The following FSIP2 variants were observed in gnomAD, a reference collection of about 807,000 sequenced individuals.
FSIP2 encodes the protein fibrous sheath-interacting protein 2.
A neutral mutation model predicts 510.5 loss-of-function variants in FSIP2; 367 were observed. The ratio of observed to expected loss-of-function variants is 0.72; its 90% CI spans 0.66 to 0.78. The LOEUF (loss-of-function observed/expected upper bound fraction) is 0.78. FSIP2 is among the 30% of genes least tolerant of loss of function. FSIP2 has a pLI of 0.00. For synonymous variants in FSIP2, 2,601 were observed against 2,732.2 expected (o/e 0.95, Z 1.50); for missense variants, 7,594 against 7,901.7 (o/e 0.96, Z 1.48).
intron 21 of FSIP2, among the ~76,000 whole-genome samples, chr2:185,830,736 T>C (rs868600783): frequency 2.6e-5 from 4 of 151,888 alleles, no homozygotes; most frequent in Admixed American, 6.6e-5. Flanking sequence ...GTTAAACTTA[T>C]GGATACACAA....
Position 185,805,580 on chromosome 2 carries a change from A to T in FSIP2, c.16274A>T (p.Asn5425Ile). 1 of 1,609,360 alleles carries T rather than the reference A, an allele frequency of 6.2e-7. No individual in the cohort carries two copies. The highest frequency in any genetic ancestry group is 2.2e-5 in the East Asian group (1 of 44,778). The change falls in exon 17 of 23, where the codon AAC (asparagine) becomes ATC (isoleucine). Residue 5425 changes from asparagine to isoleucine, a missense_variant. Asn to Ile is a moderately radical substitution (Grantham distance 149). Transcript: ENST00000424728. ...CAAAGGGTTCAACACCTACCACAAA[A>T]CACCTTTACACAAATAAGCAGATGT... is the stretch of plus-strand genomic sequence containing the variant. Reference protein sequence around the residue: ...ITQRVQHLPQNTFTQISRCAK... With the variant: ...ITQRVQHLPQITFTQISRCAK...
chr2:185,804,283 GT>G lies in FSIP2; in HGVS notation c.14979del (p.Leu4994TrpfsTer9). On this transcript the variant is annotated frameshift_variant, in exon 17 of 23. Transcript: ENST00000424728. LOFTEE classifies it high-confidence loss of function. ...RIVTTLVNSIVLEFTTSEILV... is the reference protein window; with the variant it reads ...RIVTTLVNSIXLEFTTSEILV... ...TGTTACAACATTGGTAAATTCAATT[GT>G]TCTGGAGTTCACCACATCAGAGATT... The G allele has an allele frequency of 6.5e-7, 1 of 1,526,878 alleles. No individual in the cohort carries two copies. 94.6% of individuals were successfully genotyped at this position (1,526,878 alleles called of 1,614,324 possible). A position where few individuals can be genotyped will look rare whatever the true frequency, so the allele number is the denominator to read the frequency against.
Position 185,804,412 on chromosome 2 carries a change from T to C in FSIP2, c.15106T>C (p.Tyr5036His), listed in dbSNP as rs1693512142. The C allele has an allele frequency of 1.3e-6, 2 of 1,508,080 alleles. No homozygotes were observed. The highest frequency in any genetic ancestry group is 2.8e-5 in the African/African-American group (2 of 71,798). 93.4% of individuals were successfully genotyped at this position (1,508,080 alleles called of 1,614,324 possible). A position where few individuals can be genotyped will look rare whatever the true frequency, so the allele number is the denominator to read the frequency against. Reference sequence around the variant, plus strand: ...AGTATATGGAAAAGTATTAGATCAATATAAATCTCTGATTCAAATACATAG... The same window carrying C: ...AGTATATGGAAAAGTATTAGATCAACATAAATCTCTGATTCAAATACATAG... Reference protein sequence around the residue: ...NSVYGKVLDQYKSLIQIHRVI... With the variant: ...NSVYGKVLDQHKSLIQIHRVI... The change falls in exon 17 of 23, where the codon TAT (tyrosine) becomes CAT (histidine). Residue 5036 changes from tyrosine (Y) to histidine (H), a missense_variant. By Grantham distance (83) the Tyr-to-His change is moderately conservative. Transcript: ENST00000424728.
chr2:185,738,221 GC>G (rs981850733), upstream of FSIP2: 3 of 249,460 alleles, frequency 1.2e-5, no homozygotes, highest in African/African-American at 7.0e-5. Flanking sequence ...TCAATGACTG[GC>G]CCAGAAGCGT....
intron 17 of FSIP2, among the ~76,000 whole-genome samples, 165 bp from the exon 18 acceptor site, chr2:185,813,380 G>A (rs763733806): frequency 6.6e-6 from 1 of 151,768 alleles, no homozygotes; most frequent in Non-Finnish European, 1.5e-5. Flanking sequence ...TTTGTTATTT[G>A]TCTTTATTTC....
Position 185,790,987 on chromosome 2 carries a change from A to G in FSIP2, c.3851A>G (p.Lys1284Arg), listed in dbSNP as rs576170834. The change falls in exon 16 of 23, where the codon AAA becomes AGA. Residue 1284 changes from lysine (K) to arginine (R), a missense_variant. By Grantham distance (26) the Lys-to-Arg change is conservative. Transcript: ENST00000424728. ...TGTCCAAAATTGCATATGGGCTTCA[A>G]ATCTTCATTACGATCTCAACTTAGT... The part of the protein sequence containing the change: ...FICPKLHMGF[K>R]SSLRSQLSKY... 63 of 1,528,390 alleles carry G rather than the reference A, an allele frequency of 4.1e-5. No homozygotes were observed. In the African/African-American group the frequency reaches 7.7e-4, roughly 19 times the overall value. The allele number at this position is 1,528,390 out of a possible 1,614,324, so 94.7% of individuals were successfully genotyped here. A position where few individuals can be genotyped will look rare whatever the true frequency, so the allele number is the denominator to read the frequency against.
intron 7 of FSIP2, among the ~76,000 whole-genome samples, chr2:185,749,020 CTTCTA>C (rs1448113194): frequency 6.6e-6 from 1 of 152,006 alleles, no homozygotes; most frequent in Non-Finnish European, 1.5e-5. Context: ...TTTGGACTCT[CTTCTA>C]TTCTTTGACC....
Position 185,800,128 on chromosome 2 carries a change from T to G in FSIP2, c.10822T>G (p.Leu3608Val). 2 of 1,534,080 alleles carry G rather than the reference T, an allele frequency of 1.3e-6. No homozygotes were observed. Among genetic ancestry groups the G allele is most frequent in the African/African-American group, 1.4e-5 (1 of 72,974 alleles). ...CTTTGATGACCTCTTTCAGGATCTC[T>G]TAGTAGGAGTGATTCATGTACTGTC... is the stretch of plus-strand genomic sequence containing the variant. ...GGFDDLFQDL[L>V]VGVIHVLSKE... The change falls in exon 17 of 23, where the codon TTA (leucine) becomes GTA (valine). Residue 3608 changes from leucine (L) to valine (V), a missense_variant. Physicochemically the swap from Leu to Val is conservative, Grantham distance 32. Coordinates refer to ENST00000424728, the MANE Select transcript of FSIP2 (RefSeq NM_173651.4).
At chr2:185,741,972 C>A (rs1691933492) in intron 2 of FSIP2, among the ~76,000 whole-genome samples, 1 of 152,118 alleles carries the variant, frequency 6.6e-6, no homozygotes, top group Non-Finnish European at 1.5e-5. Context: ...AAATTGGTGC[C>A]TCTAGACATG....
intron 7 of FSIP2, among the ~76,000 whole-genome samples, chr2:185,752,461 A>G (rs986215969): frequency 2.6e-5 from 4 of 151,168 alleles, no homozygotes; most frequent in African/African-American, 9.7e-5. Context: ...CTGTGGGTTT[A>G]CGGTTTTCAT....
rs1016373871 is a variant in FSIP2, at chr2:185,800,672, A to G, written c.11366A>G (p.Gln3789Arg). ...GAGGAAACATCAGCAGAAGAATGTC[A>G]ACTTTTAAAAATGCTTCAAAGTGTA... ...VSEETSAEECQLLKMLQSVED... is the reference protein window; with the variant it reads ...VSEETSAEECRLLKMLQSVED... Residue 3789 changes from glutamine to arginine, a missense_variant, in exon 17 of 23, where the codon CAA becomes CGA. Coordinates refer to ENST00000424728, the MANE Select transcript of FSIP2 (RefSeq NM_173651.4). 6.5e-7 allele frequency: 1 copy of G among 1,534,066 alleles called. No individual in the cohort carries two copies. Among genetic ancestry groups the G allele is most frequent in the African/African-American group, 1.4e-5 (1 of 72,878 alleles).
At chr2:185,783,341 A>AAAAG (rs546388481) in intron 14 of FSIP2, among the ~76,000 whole-genome samples, 1 of 152,168 alleles carries the variant, frequency 6.6e-6, no homozygotes, top group East Asian at 1.9e-4. Flanking sequence ...TCAACTCAAG[A>AAAAG]AAAGAAAGAG....
chr2:185,788,500 ATTTCTTTACTAT>A, intron 15 of FSIP2, 131 bp from the exon 16 acceptor site: 1 of 529,854 alleles, frequency 1.9e-6, no homozygotes, highest in East Asian at 3.2e-5. Flanking sequence ...CTAAACTGAT[ATTTCTTTACTAT>A]TTTCTTTCAT....
In FSIP2 at chr2:185,796,877, G is replaced by A. The variant is rs1306661026; in HGVS notation, c.9741G>A (p.Arg3247=). ...TRNKVQDHRP[R]ESNFGSFDQT... The stretch of plus-strand genomic sequence containing the variant: ...ACAAAGTACAAGACCACAGACCAAG[G>A]GAATCTAACTTTGGTAGTTTTGATC... The change falls in exon 16 of 23, where the codon AGG becomes AGA. Residue 3247 remains arginine (R), a synonymous_variant. Transcript: ENST00000424728. 1 of 1,534,964 alleles carries A rather than the reference G, an allele frequency of 6.5e-7. No homozygotes were observed. Among genetic ancestry groups the A allele is most frequent in the Admixed American group, 2.0e-5 (1 of 50,902 alleles).
At chr2:185,738,317 G>T, upstream of FSIP2, 1 of 379,454 alleles carries the variant, frequency 2.6e-6, no homozygotes, top group South Asian at 2.7e-5. Flanking sequence ...GAGGCAGTGG[G>T]AGAGTGGTAA....
Position 185,800,663 on chromosome 2 carries a change from A to G in FSIP2, c.11357A>G (p.Glu3786Gly). 6.5e-7 allele frequency: 1 copy of G among 1,534,250 alleles called. No individual in the cohort carries two copies. The highest frequency in any genetic ancestry group is 8.7e-7 in the Non-Finnish European group (1 of 1,145,672). Reference sequence around the variant, plus strand: ...TCTGTTTCAGAGGAAACATCAGCAGAAGAATGTCAACTTTTAAAAATGCTT... The same window carrying G: ...TCTGTTTCAGAGGAAACATCAGCAGGAGAATGTCAACTTTTAAAAATGCTT... ...KGSVSEETSAEECQLLKMLQS... is the reference protein window; with the variant it reads ...KGSVSEETSAGECQLLKMLQS... Residue 3786 changes from glutamate (E) to glycine (G), a missense_variant, in exon 17 of 23, where the codon GAA becomes GGA. By Grantham distance (98) the Glu-to-Gly change is moderately conservative (BLOSUM62 -2). Coordinates refer to ENST00000424728, the MANE Select transcript of FSIP2 (RefSeq NM_173651.4).
chr2:185,769,930 A>G (rs962155293), intron 13 of FSIP2, among the ~76,000 whole-genome samples: 2 of 151,966 alleles, frequency 1.3e-5, no homozygotes, highest in East Asian at 1.9e-4. Flanking sequence ...GCAGGCCTAT[A>G]TATCTATTTT....
At position 185,813,500 on chromosome 2, in the gene FSIP2, G is replaced by T. The variant is rs146147932; in HGVS notation, c.19828-45G>T. 3.8e-4 allele frequency: 483 copies of T among 1,270,240 alleles called. 4 individuals carry two copies. The East Asian group carries it at 0.011, about 30-fold the overall frequency. 78.7% of individuals were successfully genotyped at this position (1,270,240 alleles called of 1,614,324 possible). A position where few individuals can be genotyped will look rare whatever the true frequency, so the allele number is the denominator to read the frequency against. On this transcript the variant is annotated intron_variant, in intron 17 of 22. Coordinates refer to ENST00000424728, the MANE Select transcript of FSIP2 (RefSeq NM_173651.4). ...CATCATAATTGAACTATAGGAAAGT[G>T]ATTTAGGCATTTGATTTTAATATTT...
At chr2:185,758,332 C>A (rs1364961332) in intron 9 of FSIP2, among the ~76,000 whole-genome samples, 1 of 150,840 alleles carries the variant, frequency 6.6e-6, no homozygotes, top group Non-Finnish European at 1.5e-5. Flanking sequence ...AAGTACGGAC[C>A]CCTTGCACAG....
Sources: gnomAD v4.1 joint callset for allele counts (sites outside exome capture counted in the v4.1 genomes callset) on GRCh38, gnomAD v4.1.1 for gene constraint, MANE v1.5 for transcripts, NCBI Gene and HGNC (gene_info 2026-07-23, HGNC 2026-07-21) for gene names.